ANKHD1: variants seen among roughly 807,000 people sequenced by gnomAD.
The protein encoded by ANKHD1 is ankyrin repeat and KH domain containing 1, also known as ankyrin repeat and KH domain-containing protein 1.
A neutral mutation model predicts 230.5 loss-of-function variants in ANKHD1; 31 were observed. The observed-to-expected ratio is 0.13, with a 90% confidence interval of 0.10 to 0.18. The LOEUF (loss-of-function observed/expected upper bound fraction) is 0.18, where lower values mean the gene tolerates loss of function less well. Among genes scored for constraint, ANKHD1 ranks in the 10% least tolerant of loss-of-function variants. The probability of loss-of-function intolerance (pLI) is 1.00; values close to 1 mark genes in which losing one functional copy is unlikely to be tolerated. For synonymous variants in ANKHD1, 1,074 were observed against 1,117.6 expected (o/e 0.96, Z 0.78); for missense variants, 2,256 against 3,071.3 (o/e 0.73, Z 6.27).
In ANKHD1 at chr5:140,497,077, T is replaced by G. The variant is rs200521973; in HGVS notation, c.2803T>G (p.Cys935Gly). Reference sequence around the variant, plus strand: ...AGTCCAGCCTTTATCATCTCCACAGTGTAACTTTTCCAGTGACTTAGGTTC... The same window carrying G: ...AGTCCAGCCTTTATCATCTCCACAGGGTAACTTTTCCAGTGACTTAGGTTC... ...VPVQPLSSPQ[C>G]NFSSDLGSNG... The change falls in exon 15 of 34, where the codon TGT becomes GGT. Residue 935 changes from cysteine to glycine, a missense_variant. Physicochemically the swap from Cys to Gly is radical, Grantham distance 159. Transcript: ENST00000360839. 459 of 1,614,212 alleles carry G rather than the reference T, an allele frequency of 2.8e-4. 1 individual carries two copies. Among genetic ancestry groups the G allele is most frequent in the Non-Finnish European group, 7.5e-5 (88 of 1,180,028 alleles).
intron 10 of ANKHD1, among the ~76,000 whole-genome samples, chr5:140,468,132 T>C (rs182862527): frequency 3.2e-4 from 41 of 128,206 alleles, no homozygotes; most frequent in African/African-American, 1.1e-3. Flanking sequence ...TGGAATGCAG[T>C]GGCACGATCT....
chr5:140,432,695 A>G (rs1205965207), intron 1 of ANKHD1, among the ~76,000 whole-genome samples: 6 of 152,164 alleles, frequency 3.9e-5, no homozygotes. Context: ...CCAGCAATGC[A>G]GAAAGACCTT....
chr5:140,465,044 A>T (rs996501570), intron 10 of ANKHD1: 1 of 211,960 alleles, frequency 4.7e-6, no homozygotes, highest in African/African-American at 2.3e-5. Context: ...TGTGCTTTTT[A>T]AACTGCCATC....
rs3752704 is a variant in ANKHD1, at chr5:140,528,225, A to G, written c.5279A>G (p.Asn1760Ser). 1,549 of 1,612,740 alleles carry G rather than the reference A, an allele frequency of 9.6e-4. 17 individuals are homozygous for G. The East Asian group carries it at 0.024, about 25-fold the overall frequency. Residue 1760 changes from asparagine to serine, a missense_variant, in exon 29 of 34, where the codon AAT (asparagine) becomes AGT (serine). Physicochemically the swap from Asn to Ser is conservative, Grantham distance 46 (BLOSUM62 1). This residue lies in a region of ANKHD1 where 778 missense variants were observed against 966.5 expected (regional missense o/e 0.80). Coordinates refer to ENST00000360839, the MANE Select transcript of ANKHD1 (RefSeq NM_017747.3). ...ACAAGATATGCAGTTCAACTAATCAATGCACTCATTCAAGATCCTGCTAAG... is the reference window on the plus strand; with the variant it reads ...ACAAGATATGCAGTTCAACTAATCAGTGCACTCATTCAAGATCCTGCTAAG... ...ESTRYAVQLINALIQDPAKEL... is the reference protein window; with the variant it reads ...ESTRYAVQLISALIQDPAKEL...
chr5:140,500,518 C>T (rs2127043193), intron 15 of ANKHD1, among the ~76,000 whole-genome samples: 1 of 151,944 alleles, frequency 6.6e-6, no homozygotes, highest in South Asian at 2.1e-4. Flanking sequence ...CGTGGTGGTG[C>T]ATGCCTGTAA....
rs1752567477 is a variant in ANKHD1, at chr5:140,507,003, A to G, written c.3551+26A>G. 2 of 1,608,924 alleles carry G rather than the reference A, an allele frequency of 1.2e-6. No individual in the cohort carries two copies. Among genetic ancestry groups the G allele is most frequent in the African/African-American group, 1.3e-5 (1 of 74,752 alleles). On this transcript the variant is annotated intron_variant, in intron 19 of 33. Transcript: ENST00000360839. The surrounding 1 kb of genome is among the most constrained non-coding windows in gnomAD (Gnocchi z 4.1). ...GTATTGCCTGTTCATTTTATTGTTC[A>G]TGTTTAGTAAGTTACTACTTTGGAC...
At position 140,419,790 on chromosome 5, in the gene ANKHD1, CTTTCTT is replaced by C. The variant is rs1457312388; in HGVS notation, c.307-16312_307-16307del. On this transcript the variant is annotated intron_variant, in intron 1 of 33. Coordinates refer to ENST00000360839, the MANE Select transcript of ANKHD1 (RefSeq NM_017747.3). ...TTCCTTTCTTTTTCTTTCTTTCTTT[CTTTCTT>C]TCTTTCTTTCTTTCTTTCTTTCTTT... Among the ~76,000 whole-genome samples, 134 of 132,428 alleles carry C rather than the reference CTTTCTT, an allele frequency of 1.0e-3. 1 individual carries two copies. Among genetic ancestry groups the C allele is most frequent in the South Asian group, 5.8e-3 (24 of 4,150 alleles). The allele number at this position is 132,428 out of a possible 152,430, so 86.9% of individuals were successfully genotyped here.
At position 140,497,145 on chromosome 5, in the gene ANKHD1, TCAG is replaced by T; in HGVS notation, c.2875_2877del (p.Gln959del). ...TTGAACTTCAGAAAGTATCAGGTAATCAGCAGATTGTAGGACAGCCTCAGATTG... is the reference window on the plus strand; with the variant it reads ...TTGAACTTCAGAAAGTATCAGGTAATCAGATTGTAGGACAGCCTCAGATTG... On this transcript the variant is annotated inframe_deletion, in exon 15 of 34. Coordinates refer to ENST00000360839, the MANE Select transcript of ANKHD1 (RefSeq NM_017747.3). 5 of 1,614,158 alleles carry T rather than the reference TCAG, an allele frequency of 3.1e-6. No homozygotes were observed. Among genetic ancestry groups the T allele is most frequent in the Non-Finnish European group, 4.2e-6 (5 of 1,180,028 alleles).
Position 140,539,596 on chromosome 5 carries a change from A to C in ANKHD1, c.*178A>C, listed in dbSNP as rs1751447852. 2 of 685,448 alleles carry C rather than the reference A, an allele frequency of 2.9e-6. No individual in the cohort carries two copies. The highest frequency in any genetic ancestry group is 2.3e-6 in the Non-Finnish European group (1 of 434,094). 42.5% of individuals were successfully genotyped at this position (685,448 alleles called of 1,614,324 possible). A position where few individuals can be genotyped will look rare whatever the true frequency, so the allele number is the denominator to read the frequency against. On this transcript the variant is annotated 3_prime_UTR_variant, in exon 34 of 34. Transcript: ENST00000360839. ...ATCCACCTGATTATGTTCTCTGGTT[A>C]GTTTAGCCATTTTGAACTTAAGATC...
chr5:140,467,519 G>A (rs1429896924), intron 10 of ANKHD1, among the ~76,000 whole-genome samples: 2 of 152,196 alleles, frequency 1.3e-5, no homozygotes, highest in Admixed American at 6.5e-5. Context: ...GTTAAAGGCT[G>A]CAGTGCACAA....
chr5:140,435,892 A>T (rs764306788), intron 1 of ANKHD1, among the ~76,000 whole-genome samples: 7 of 152,030 alleles, frequency 4.6e-5, no homozygotes, highest in Non-Finnish European at 8.8e-5. Flanking sequence ...TCTTGAGGAA[A>T]CTTCAGTGTA....
chr5:140,462,729 A>AAAAAAAAAAG (rs1326534598), intron 9 of ANKHD1, among the ~76,000 whole-genome samples: 1 of 151,470 alleles, frequency 6.6e-6, no homozygotes, highest in South Asian at 2.1e-4. Context: ...CATCTCAAAA[A>AAAAAAAAAAG]AAAAAAAAAA....
At chr5:140,433,013 C>G (rs916487112) in intron 1 of ANKHD1, among the ~76,000 whole-genome samples, 4 of 150,528 alleles carry the variant, frequency 2.7e-5, no homozygotes, top group African/African-American at 9.8e-5. Flanking sequence ...TCGTACCTTA[C>G]ATTTTTTGAG....
rs1013565715 is a variant in ANKHD1 at position 140,452,668 on chromosome 5, G to A, written c.1242+3363G>A. On this transcript the variant is annotated intron_variant, in intron 7 of 33. Transcript: ENST00000360839. ...CTGCAGCTGAGGGTCCTGACTGTTA[G>A]AAGGAAAACTAACAAACAGAAAGGA... 5.3e-5 allele frequency among the ~76,000 whole-genome samples: 8 copies of A among 152,186 alleles called. No individual in the cohort carries two copies. The East Asian group carries it at 5.8e-4, about 11-fold the overall frequency.
At chr5:140,451,814 C>G (rs1359044826) in intron 7 of ANKHD1, among the ~76,000 whole-genome samples, 1 of 152,094 alleles carries the variant, frequency 6.6e-6, no homozygotes, top group East Asian at 1.9e-4. Context: ...AGCCTTATTT[C>G]TTTAATTAAA....
Position 140,538,099 on chromosome 5 carries a change from T to G in ANKHD1, c.7242T>G (p.Gly2414=), listed in dbSNP as rs1754159346. Residue 2414 remains glycine, a synonymous_variant, in exon 32 of 34, where the codon GGT becomes GGG. Transcript: ENST00000360839. The part of the protein sequence containing the change: ...GVNAVSEGLS[G]WSQSVMGNHP... ...TATTCTTTCCAGAAGGCTTATCAGGTTGGTCGCAATCTGTGATGGGGAACC... is the reference window on the plus strand; with the variant it reads ...TATTCTTTCCAGAAGGCTTATCAGGGTGGTCGCAATCTGTGATGGGGAACC... The G allele has an allele frequency of 1.9e-6, 3 of 1,610,926 alleles. No individual in the cohort carries two copies. In the East Asian group the frequency reaches 6.7e-5, roughly 36 times the overall value.
intron 7 of ANKHD1, among the ~76,000 whole-genome samples, chr5:140,457,978 C>T (rs1474550802): frequency 6.6e-6 from 1 of 152,048 alleles, no homozygotes; most frequent in Non-Finnish European, 1.5e-5. Context: ...ACTGTCTATG[C>T]AGATAGGCCA....
At position 140,526,372 on chromosome 5, in the gene ANKHD1, T is replaced by C. The variant is rs765589373; in HGVS notation, c.4869T>C (p.Ser1623=). The change falls in exon 26 of 34, where the codon TCT becomes TCC. Residue 1623 remains serine (S), a synonymous_variant. Transcript: ENST00000360839. ...ELNFVMDVNS[S]KYPSLLLHSQ... The stretch of plus-strand genomic sequence containing the variant: ...ATTTTGTGATGGATGTGAATTCCTC[T>C]AAATACCCCTCACTGCTCCTTCATT... 1.2e-6 allele frequency: 2 copies of C among 1,614,180 alleles called. No homozygotes were observed. The highest frequency in any genetic ancestry group is 1.7e-6 in the Non-Finnish European group (2 of 1,180,042).
At chr5:140,454,412 C>T (rs1387761643) in intron 7 of ANKHD1, among the ~76,000 whole-genome samples, 1 of 152,156 alleles carries the variant, frequency 6.6e-6, no homozygotes, top group Non-Finnish European at 1.5e-5. Context: ...AATATACATT[C>T]TTCTCAGCAC....
Sources: gnomAD v4.1 joint callset for allele counts (sites outside exome capture counted in the v4.1 genomes callset) on GRCh38, gnomAD v4.1.1 for gene constraint, gnomAD v4.1.1 regional missense constraint, Gnocchi (gnomAD v3.1) non-coding constraint, MANE v1.5 for transcripts, NCBI Gene and HGNC (gene_info 2026-07-23, HGNC 2026-07-21) for gene names.